The following CAMSAP1 variants were observed in gnomAD, a reference collection of about 807,000 sequenced individuals.
CAMSAP1 encodes calmodulin regulated spectrin associated protein 1, also known as calmodulin-regulated spectrin-associated protein 1.
Under a neutral mutation model 143.5 loss-of-function variants are expected in CAMSAP1, and 58 were observed. The observed-to-expected ratio is 0.40, with a 90% CI of 0.33 to 0.50. The LOEUF (loss-of-function observed/expected upper bound fraction) is 0.50, where lower values mean the gene tolerates loss of function less well. Ranked by LOEUF, CAMSAP1 falls within the 20% of genes least tolerant of loss-of-function variation. CAMSAP1 has a pLI of 0.45. For synonymous variants in CAMSAP1, 945 were observed against 859.3 expected (o/e 1.10, Z -1.74); for missense variants, 1,969 against 2,115.7 (o/e 0.93, Z 1.36).
chr9:135,845,622 C>G (rs959695151), intron 7 of CAMSAP1, among the ~76,000 whole-genome samples: 5 of 152,146 alleles, frequency 3.3e-5, no homozygotes, highest in African/African-American at 1.2e-4. Context: ...AAAACCCCAT[C>G]GTCTCAACCC....
chr9:135,839,141 G>A (rs537584231), intron 7 of CAMSAP1, among the ~76,000 whole-genome samples: 1 of 152,300 alleles, frequency 6.6e-6, no homozygotes, highest in East Asian at 1.9e-4. Flanking sequence ...GCTCCTGTAT[G>A]AGCCTATCTG....
At chr9:135,862,019 T>G (rs1837212580) in intron 5 of CAMSAP1, among the ~76,000 whole-genome samples, 1 of 152,240 alleles carries the variant, frequency 6.6e-6, no homozygotes, top group Non-Finnish European at 1.5e-5. Context: ...TTTCCCATCC[T>G]CAAACTAAGT....
In CAMSAP1 at chr9:135,822,630, C is replaced by T. The variant is rs762459284; in HGVS notation, c.2031G>A (p.Glu677=). The stretch of plus-strand genomic sequence containing the variant: ...CAAGGGCCAGAGGCCCACCACAGAC[C>T]TCTCCTGCGGTTTCCACTGACAGTG... ...TGPLSVETAG[E]VCGGPLALGG... is the part of the protein sequence containing the mutation. The change falls in exon 11 of 17, where the codon GAG becomes GAA. Residue 677 remains glutamate (E), a synonymous_variant. Transcript: ENST00000389532. The surrounding 1 kb of genome is among the most constrained non-coding windows in gnomAD (Gnocchi z 6.1). 15 of 1,612,086 alleles carry T rather than the reference C, an allele frequency of 9.3e-6. No homozygotes were observed. The South Asian group carries it at 1.4e-4, about 15-fold the overall frequency.
At chr9:135,896,239 T>C (rs959953219) in intron 1 of CAMSAP1, among the ~76,000 whole-genome samples, 6 of 152,076 alleles carry the variant, frequency 3.9e-5, no homozygotes, top group Non-Finnish European at 1.5e-5. Context: ...TTCAAACACT[T>C]TTTTAAAAAA....
rs754356280 is a variant in CAMSAP1 at position 135,821,086 on chromosome 9, G to A, written c.3575C>T (p.Ser1192Leu). The change falls in exon 11 of 17, where the codon TCG becomes TTG. Residue 1192 changes from serine (S) to leucine (L), a missense_variant. Coordinates refer to ENST00000389532, the MANE Select transcript of CAMSAP1 (RefSeq NM_015447.4). This position sits in a 1 kb window ranked among gnomAD's most constrained non-coding sequence, Gnocchi z 4.6. ...LSSSKDANIL[S>L]EQMSLKEVLD... ...AACTTCTTTGAGGCTCATCTGCTCC[G>A]AAAGAATGTTGGCATCTTTGGAAGA... 36 of 1,613,936 alleles carry A rather than the reference G, an allele frequency of 2.2e-5. No individual in the cohort carries two copies. The highest frequency in any genetic ancestry group is 4.5e-5 in the East Asian group (2 of 44,876).
intron 1 of CAMSAP1, among the ~76,000 whole-genome samples, chr9:135,898,240 C>T (rs934010417): frequency 1.4e-4 from 21 of 152,196 alleles, no homozygotes; most frequent in African/African-American, 4.6e-4. Context: ...GGTCAATATC[C>T]TGGTGTAATA....
intron 1 of CAMSAP1, among the ~76,000 whole-genome samples, chr9:135,889,475 C>T (rs960739914): frequency 6.6e-6 from 1 of 152,248 alleles, no homozygotes; most frequent in Non-Finnish European, 1.5e-5. Flanking sequence ...CTCCAAGAAG[C>T]ACAGGCAGAA....
chr9:135,818,862 A>C lies in CAMSAP1; in HGVS notation c.3959+148T>G. 1 of 1,331,998 alleles carries C rather than the reference A, an allele frequency of 7.5e-7. No homozygotes were observed. Among genetic ancestry groups the C allele is most frequent in the South Asian group, 1.4e-5 (1 of 70,094 alleles). 82.5% of individuals were successfully genotyped at this position (1,331,998 alleles called of 1,614,324 possible). On this transcript the variant is annotated intron_variant, in intron 12 of 16. Coordinates refer to ENST00000389532, the MANE Select transcript of CAMSAP1 (RefSeq NM_015447.4). The surrounding 1 kb of genome is among the most constrained non-coding windows in gnomAD (Gnocchi z 7.7). The stretch of plus-strand genomic sequence containing the variant: ...ACTGAAGATCAGCAGGGGCCGTGAA[A>C]GTTCGGGGAGGTGGTCCATGGGAGG...
intron 7 of CAMSAP1, among the ~76,000 whole-genome samples, chr9:135,844,420 T>C (rs375625859): frequency 5.9e-5 from 9 of 152,144 alleles, no homozygotes; most frequent in African/African-American, 2.2e-4. Flanking sequence ...AAAGAGGTAA[T>C]GTACCAGAAT....
chr9:135,840,787 G>A (rs1836314132), intron 7 of CAMSAP1, among the ~76,000 whole-genome samples: 1 of 152,152 alleles, frequency 6.6e-6, no homozygotes, highest in Non-Finnish European at 1.5e-5. Flanking sequence ...TCCAGCCAAG[G>A]GAAGCCGTGA....
Position 135,822,205 on chromosome 9 carries a change from T to C in CAMSAP1, c.2456A>G (p.Glu819Gly). ...GCTGTTGAGTCTCTGGAGCTTCCTC[T>C]CCGCAAAGCTGGTCATCTTCACGCT... ...SGSVKMTSFA[E>G]RKLQRLNSCE... Residue 819 changes from glutamate (E) to glycine (G), a missense_variant, in exon 11 of 17, where the codon GAG becomes GGG. Coordinates refer to ENST00000389532, the MANE Select transcript of CAMSAP1 (RefSeq NM_015447.4). The surrounding 1 kb of genome is among the most constrained non-coding windows in gnomAD (Gnocchi z 6.1). 6.2e-7 allele frequency: 1 copy of C among 1,613,944 alleles called. No homozygotes were observed.
At chr9:135,869,027 A>G (rs1464975930) in intron 3 of CAMSAP1, among the ~76,000 whole-genome samples, 1 of 152,202 alleles carries the variant, frequency 6.6e-6, no homozygotes, top group African/African-American at 2.4e-5. Context: ...CCAAAGCATG[A>G]AGCTGCAAAA....
rs1250474848 is a variant in CAMSAP1 at position 135,907,165 on chromosome 9, G to A, written c.-6C>T. ...CGGCCGCTCGCGTCCACCATCTGCA[G>A]ACAAAGGGCTGAGGCGGCGGCCCGG... On this transcript the variant is annotated 5_prime_UTR_variant, in exon 1 of 17. Coordinates refer to ENST00000389532, the MANE Select transcript of CAMSAP1 (RefSeq NM_015447.4). 17 of 1,092,086 alleles carry A rather than the reference G, an allele frequency of 1.6e-5. No individual in the cohort carries two copies. The highest frequency in any genetic ancestry group is 1.9e-5 in the Non-Finnish European group (17 of 897,728). The allele number at this position is 1,092,086 out of a possible 1,614,324, so 67.6% of individuals were successfully genotyped here.
chr9:135,818,712 T>C lies in CAMSAP1; in HGVS notation c.3960-96A>G. 2 of 1,401,724 alleles carry C rather than the reference T, an allele frequency of 1.4e-6. No individual in the cohort carries two copies. Among genetic ancestry groups the C allele is most frequent in the Non-Finnish European group, 1.9e-6 (2 of 1,045,900 alleles). 86.8% of individuals were successfully genotyped at this position (1,401,724 alleles called of 1,614,324 possible). ...CTGTCCAGGCGCGTTTCTCGGGTTC[T>C]CCCCGGCCGCTGGGACCAAGAGTGG... On this transcript the variant is annotated intron_variant, in intron 12 of 16. Coordinates refer to ENST00000389532, the MANE Select transcript of CAMSAP1 (RefSeq NM_015447.4). This position sits in a 1 kb window ranked among gnomAD's most constrained non-coding sequence, Gnocchi z 7.7.
intron 3 of CAMSAP1, among the ~76,000 whole-genome samples, chr9:135,878,180 C>A (rs1459084096): frequency 6.6e-6 from 1 of 152,166 alleles, no homozygotes; most frequent in Non-Finnish European, 1.5e-5. Context: ...CAGGTAGGGA[C>A]CCCGGCCAGG....
At chr9:135,833,283 G>A (rs1184019427) in intron 7 of CAMSAP1, among the ~76,000 whole-genome samples, 2 of 151,794 alleles carry the variant, frequency 1.3e-5, no homozygotes, top group African/African-American at 2.4e-5. Context: ...GGGTTTCACC[G>A]TTTTAGCCGG....
At chr9:135,860,052 A>T (rs538867311) in intron 5 of CAMSAP1, among the ~76,000 whole-genome samples, 21 of 151,126 alleles carry the variant, frequency 1.4e-4, no homozygotes, top group East Asian at 7.9e-4. Context: ...AAAAAAAAAA[A>T]AAATAAAAAA....
At chr9:135,876,490 T>C (rs530993136) in intron 3 of CAMSAP1, among the ~76,000 whole-genome samples, 11 of 152,268 alleles carry the variant, frequency 7.2e-5, no homozygotes, top group African/African-American at 2.6e-4. Flanking sequence ...AAAACGACAA[T>C]GAGCGACAGT....
chr9:135,898,761 G>T (rs1272551668), intron 1 of CAMSAP1, among the ~76,000 whole-genome samples: 1 of 152,196 alleles, frequency 6.6e-6, no homozygotes, highest in Non-Finnish European at 1.5e-5. Context: ...CACATAAGCT[G>T]CTGGCCAAAT....
Sources: allele counts gnomAD v4.1 joint callset (sites outside exome capture counted in the v4.1 genomes callset), GRCh38; gene constraint gnomAD v4.1.1; non-coding constraint Gnocchi (gnomAD v3.1); transcripts MANE v1.5; gene names NCBI Gene and HGNC (gene_info 2026-07-23, HGNC 2026-07-21).